The following SCN10A variants were observed in gnomAD, a reference collection of about 807,000 sequenced individuals.
The protein encoded by SCN10A is sodium channel protein type 10 subunit alpha.
Under a neutral mutation model 170.7 loss-of-function variants are expected in SCN10A, and 162 were observed. That is an observed-to-expected ratio of 0.95 (90% CI 0.84 to 1.08). The LOEUF is 1.08. Ranked by LOEUF, SCN10A falls within the 50% of genes least tolerant of loss-of-function variation. SCN10A has a pLI of 0.00. For synonymous variants in SCN10A, 985 were observed against 904.6 expected, an observed-to-expected ratio of 1.09 and a Z score of -1.59; for missense variants, 2,527 against 2,436.9, an observed-to-expected ratio of 1.04 and a Z score of -0.78.
chr3:38,715,694 C>T (rs1218946124), intron 21 of SCN10A, among the ~76,000 whole-genome samples: 3 of 152,196 alleles, frequency 2.0e-5, no homozygotes, highest in African/African-American at 7.2e-5. Flanking sequence ...ACCACCCCAC[C>T]CCAAGAGTGG....
rs188104502 is a variant in SCN10A at position 38,724,716 on chromosome 3, G to A, written c.3228+458C>T. Reference sequence around the variant, plus strand: ...GAAAGATATTTGACTTTCTTTGTGCGTTGTCTTTCGTTTCCTTTTTTCTTG... The same window carrying A: ...GAAAGATATTTGACTTTCTTTGTGCATTGTCTTTCGTTTCCTTTTTTCTTG... On this transcript the variant is annotated intron_variant, in intron 18 of 27. Transcript: ENST00000449082. Among the ~76,000 whole-genome samples the A allele has an allele frequency of 2.8e-3, 424 of 152,318 alleles. 2 individuals are homozygous for A. Among genetic ancestry groups the A allele is most frequent in the African/African-American group, 9.4e-3 (391 of 41,572 alleles).
chr3:38,712,191 A>G lies in SCN10A; in HGVS notation c.4059T>C (p.Val1353=). 6.2e-7 allele frequency: 1 copy of G among 1,614,228 alleles called. No homozygotes were observed. Among genetic ancestry groups the G allele is most frequent in the Non-Finnish European group, 8.5e-7 (1 of 1,180,026 alleles). ...WVNVKVNFDN[V]AMGYLALLQV... ...GCAGAAGTGCAAGGTAACCCATTGC[A>G]ACATTATCAAAGTTGACTTTCACAT... The change falls in exon 23 of 28, where the codon GTT becomes GTC. Residue 1353 remains valine (V), a synonymous_variant. Coordinates refer to ENST00000449082, the MANE Select transcript of SCN10A (RefSeq NM_006514.4).
In SCN10A at chr3:38,728,856, GT is replaced by G; in HGVS notation, c.2325del (p.Leu776SerfsTer34). 6.2e-7 allele frequency: 1 copy of G among 1,614,166 alleles called. No individual in the cohort carries two copies. Among genetic ancestry groups the G allele is most frequent in the Non-Finnish European group, 8.5e-7 (1 of 1,180,014 alleles). On this transcript the variant is annotated frameshift_variant, in exon 16 of 28. Transcript: ENST00000449082. LOFTEE classifies it high-confidence loss of function. The part of the protein sequence containing the change: ...KLAKSWPTLN[T>X]LIKIIGNSVG... Reference sequence around the variant, plus strand: ...ACTGAGTTTCCGATGATCTTGATGAGTGTGTTTAAGGTGGGCCAGGATTTGG... The same window carrying G: ...ACTGAGTTTCCGATGATCTTGATGAGGTGTTTAAGGTGGGCCAGGATTTGG...
intron 20 of SCN10A, among the ~76,000 whole-genome samples, chr3:38,719,690 G>A (rs1359723258): frequency 6.6e-6 from 1 of 152,150 alleles, no homozygotes; most frequent in African/African-American, 2.4e-5. Context: ...ACCGCGCCCG[G>A]CCACTCTTAC....
At chr3:38,723,750 GC>G (rs374252851) in intron 18 of SCN10A, among the ~76,000 whole-genome samples, 197 bp from the exon 19 acceptor site, 1 of 152,318 alleles carries the variant, frequency 6.6e-6, no homozygotes, top group East Asian at 1.9e-4. Context: ...TGGAGTGCTG[GC>G]AATGGCCCGA....
At chr3:38,754,101 T>A (rs947656289) in intron 11 of SCN10A, among the ~76,000 whole-genome samples, 13 of 152,168 alleles carry the variant, frequency 8.5e-5, no homozygotes, top group African/African-American at 3.1e-4. Context: ...TGCCTCCCTG[T>A]CTTTGCACAT....
At chr3:38,720,276 T>C (rs1385702411) in intron 20 of SCN10A, among the ~76,000 whole-genome samples, 2 of 152,314 alleles carry the variant, frequency 1.3e-5, no homozygotes, top group East Asian at 1.9e-4. Context: ...TAAAGGAATA[T>C]GTTATAGCCA....
At chr3:38,763,990 A>G (rs1215733205) in intron 5 of SCN10A, among the ~76,000 whole-genome samples, 1 of 152,130 alleles carries the variant, frequency 6.6e-6, no homozygotes, top group Non-Finnish European at 1.5e-5. Context: ...ACATCTCCTC[A>G]TGGGCATGGG....
At chr3:38,724,905 C>T (rs1353681624) in intron 18 of SCN10A, among the ~76,000 whole-genome samples, 1 of 152,134 alleles carries the variant, frequency 6.6e-6, no homozygotes, top group Non-Finnish European at 1.5e-5. Context: ...GATCTTAGGT[C>T]CCACAGCTTG....
chr3:38,763,504 C>A lies in SCN10A; in HGVS notation c.691+1G>T. On this transcript the variant is annotated splice_donor_variant, in intron 6 of 27. Coordinates refer to ENST00000449082, the MANE Select transcript of SCN10A (RefSeq NM_006514.4). LOFTEE classifies it high-confidence loss of function. ...CATATGCTCTGTGAATAAATGCTCACCTGGGATCACAGAAACTGTTTTTAA... is the reference window on the plus strand; with the variant it reads ...CATATGCTCTGTGAATAAATGCTCAACTGGGATCACAGAAACTGTTTTTAA... 1 of 1,611,820 alleles carries A rather than the reference C, an allele frequency of 6.2e-7. No individual in the cohort carries two copies. The highest frequency in any genetic ancestry group is 8.5e-7 in the Non-Finnish European group (1 of 1,177,890).
In SCN10A at chr3:38,698,194, G is replaced by C. The variant is rs147627083; in HGVS notation, c.5026C>G (p.Pro1676Ala). The C allele has an allele frequency of 6.2e-7, 1 of 1,614,132 alleles. No individual in the cohort carries two copies. The highest frequency in any genetic ancestry group is 1.3e-5 in the African/African-American group (1 of 75,028). Residue 1676 changes from proline (P) to alanine (A), a missense_variant, in exon 28 of 28, where the codon CCC becomes GCC. Coordinates refer to ENST00000449082, the MANE Select transcript of SCN10A (RefSeq NM_006514.4). ...LLSPILNTGPPYCDPNLPNSN... is the reference protein window; with the variant it reads ...LLSPILNTGPAYCDPNLPNSN... ...TTGGGCAGATTGGGGTCACAGTAGG[G>C]GGGCCCTGTGTTGAGGATGGGGCTG...
At chr3:38,754,941 C>T (rs2063787304) in intron 11 of SCN10A, among the ~76,000 whole-genome samples, 2 of 152,136 alleles carry the variant, frequency 1.3e-5, no homozygotes, top group South Asian at 4.2e-4. Flanking sequence ...ATCTGTCAGA[C>T]CTATAGAAAG....
At chr3:38,716,872 A>G (rs2063339453) in intron 21 of SCN10A, among the ~76,000 whole-genome samples, 1 of 152,178 alleles carries the variant, frequency 6.6e-6, no homozygotes, top group African/African-American at 2.4e-5. Flanking sequence ...GAAGGTTGAT[A>G]GGATGGATGA....
chr3:38,705,494 A>G (rs1430522103), intron 26 of SCN10A, among the ~76,000 whole-genome samples: 1 of 152,182 alleles, frequency 6.6e-6, no homozygotes, highest in African/African-American at 2.4e-5. Flanking sequence ...CTGCCTGACC[A>G]TCAACTCCGT....
chr3:38,749,503 T>C (rs531087683), intron 13 of SCN10A, among the ~76,000 whole-genome samples: 31 of 152,354 alleles, frequency 2.0e-4, no homozygotes, highest in African/African-American at 5.3e-4. Flanking sequence ...GGAACTTAGA[T>C]ACATTGCTGG....
intron 5 of SCN10A, among the ~76,000 whole-genome samples, chr3:38,766,676 G>T (rs2063936822): frequency 6.6e-6 from 1 of 152,014 alleles, no homozygotes. Context: ...GTTCATCAGG[G>T]ATATTGTCTG....
At chr3:38,699,104 T>C (rs1447955684) in intron 27 of SCN10A, among the ~76,000 whole-genome samples, 5 of 152,048 alleles carry the variant, frequency 3.3e-5, no homozygotes, top group African/African-American at 1.2e-4. Flanking sequence ...GAGCCTGGTG[T>C]TAATTACAAG....
At position 38,697,339 on chromosome 3, in the gene SCN10A, A is replaced by C. The variant is rs761272117; in HGVS notation, c.*10T>G. The C allele has an allele frequency of 6.2e-7, 1 of 1,611,698 alleles. No individual in the cohort carries two copies. Among genetic ancestry groups the C allele is most frequent in the Non-Finnish European group, 8.5e-7 (1 of 1,178,144 alleles). On this transcript the variant is annotated 3_prime_UTR_variant, in exon 28 of 28. Transcript: ENST00000449082. Reference sequence around the variant, plus strand: ...TCATAACTGAACATATCCAGGCTGGAGTGTTCTCACTAGGGCCCAGGGGCA... The same window carrying C: ...TCATAACTGAACATATCCAGGCTGGCGTGTTCTCACTAGGGCCCAGGGGCA...
chr3:38,717,257 G>A (rs2063342839), intron 21 of SCN10A, among the ~76,000 whole-genome samples: 1 of 152,010 alleles, frequency 6.6e-6, no homozygotes, highest in Non-Finnish European at 1.5e-5. Flanking sequence ...ATGTTTGGGA[G>A]GAAGGAAAAA....
Sources: allele counts gnomAD v4.1 joint callset (sites outside exome capture counted in the v4.1 genomes callset), GRCh38; gene constraint gnomAD v4.1.1; transcripts MANE v1.5; gene names NCBI Gene and HGNC (gene_info 2026-07-23, HGNC 2026-07-21).